The following SBF2 variants were observed in gnomAD, a reference collection of about 807,000 sequenced individuals.
The protein encoded by SBF2 is myotubularin-related protein 13.
A neutral mutation model predicts 225.2 loss-of-function variants in SBF2; 112 were observed. The ratio of observed to expected loss-of-function variants is 0.50; its 90% CI spans 0.43 to 0.58. The LOEUF is 0.58. Among genes scored for constraint, SBF2 ranks in the 20% least tolerant of loss-of-function variants. The pLI is 0.00. For synonymous variants in SBF2, 763 were observed against 773.3 expected (o/e 0.99, Z 0.22); for missense variants, 1,996 against 2,206.2 (o/e 0.90, Z 1.91).
At chr11:10,029,737 TCTC>T (rs1324947132) in intron 5 of SBF2, 25 bp downstream of exon 5, 1 of 1,359,720 alleles carries the variant, frequency 7.4e-7, no homozygotes, top group African/African-American at 1.4e-5. Flanking sequence ...GAACAATCCT[TCTC>T]CACCTCTCTT....
chr11:9,918,293 T>C lies in SBF2; in HGVS notation c.1861-22282A>G, dbSNP rs566519671. Among the ~76,000 whole-genome samples, 588 of 152,040 alleles carry C rather than the reference T, an allele frequency of 3.9e-3. 3 individuals carry two copies. Among genetic ancestry groups the C allele is most frequent in the South Asian group, 5.2e-3 (25 of 4,820 alleles). The stretch of plus-strand genomic sequence containing the variant: ...TACAAATCAGATTGCTTCTCTGTTT[T>C]CCCCCCCATCCTCCTATTTTTAGCT... On this transcript the variant is annotated intron_variant, in intron 16 of 39. Coordinates refer to ENST00000256190, the MANE Select transcript of SBF2 (RefSeq NM_030962.4).
At chr11:9,794,879 T>C (rs1853020954) in intron 33 of SBF2, among the ~76,000 whole-genome samples, 1 of 152,036 alleles carries the variant, frequency 6.6e-6, no homozygotes, top group Non-Finnish European at 1.5e-5. Flanking sequence ...CCAGTGCTCT[T>C]TCCCTTATCA....
chr11:10,002,644 T>A lies in SBF2; in HGVS notation c.665A>T (p.Asn222Ile), dbSNP rs1948020269. 1 of 1,613,176 alleles carries A rather than the reference T, an allele frequency of 6.2e-7. No individual in the cohort carries two copies. The highest frequency in any genetic ancestry group is 1.7e-5 in the Admixed American group (1 of 60,000). The change falls in exon 7 of 40, where the codon AAT becomes ATT. Residue 222 changes from asparagine to isoleucine, a missense_variant. Transcript: ENST00000256190. ...LSLFCAVLTENKVLFHSASFQ... is the reference protein window; with the variant it reads ...LSLFCAVLTEIKVLFHSASFQ... ...ACTTGCAGAATGGAAGAGAACCTTA[T>A]TTTCTGTGAGGACTGCACAAAAGAG...
rs76172966 is a variant in SBF2, at chr11:10,065,811, G to A, written c.142-22830C>T. On this transcript the variant is annotated intron_variant, in intron 2 of 39. Coordinates refer to ENST00000256190, the MANE Select transcript of SBF2 (RefSeq NM_030962.4). ...AAAAATACAAAAACTAGCCAGGTGT[G>A]ACGGTGCATGTCTGTAATCCCAGCT... Among the ~76,000 whole-genome samples, 855 of 152,210 alleles carry A rather than the reference G, an allele frequency of 5.6e-3. 3 individuals carry two copies. Among genetic ancestry groups the A allele is most frequent in the Non-Finnish European group, 9.1e-3 (618 of 68,014 alleles).
intron 2 of SBF2, among the ~76,000 whole-genome samples, chr11:10,145,922 C>A (rs975620168): frequency 9.2e-5 from 14 of 152,146 alleles, no homozygotes; most frequent in African/African-American, 3.4e-4. Context: ...CATTCCCATA[C>A]ACCAACAACA....
chr11:9,963,298 T>C (rs7933482), intron 15 of SBF2, among the ~76,000 whole-genome samples: 77,770 of 151,656 alleles, frequency 0.51, 20,426 homozygotes, highest in Admixed American at 0.61. Context: ...AACCCCATCT[T>C]TACTAAAAAT....
chr11:10,298,751 C>A (rs962562440), upstream of SBF2, among the ~76,000 whole-genome samples: 1 of 152,180 alleles, frequency 6.6e-6, no homozygotes, highest in African/African-American at 2.4e-5. Flanking sequence ...CCTCTCAGCC[C>A]CACATTCATC....
chr11:10,196,866 A>ATATTTTTTTTTTTT, intron 1 of SBF2, among the ~76,000 whole-genome samples: 1 of 99,316 alleles, frequency 1.0e-5, no homozygotes, highest in African/African-American at 4.0e-5. Flanking sequence ...ATATATATAT[A>ATATTTTTTTTTTTT]TTTTTTTTTT....
intron 36 of SBF2, 99 bp from the exon 37 acceptor site, chr11:9,785,417 G>C: frequency 1.0e-6 from 1 of 976,656 alleles, no homozygotes; most frequent in Non-Finnish European, 1.6e-6. Flanking sequence ...GAAAAAACTG[G>C]ACTAATAAGC....
intron 1 of SBF2, among the ~76,000 whole-genome samples, chr11:10,219,820 C>T: frequency 6.6e-6 from 1 of 152,176 alleles, no homozygotes; most frequent in Non-Finnish European, 1.5e-5. Context: ...GAGACCACCT[C>T]AGCCTGGACT....
chr11:9,851,954 G>A (rs1856990636), intron 21 of SBF2, among the ~76,000 whole-genome samples: 1 of 152,120 alleles, frequency 6.6e-6, no homozygotes, highest in Non-Finnish European at 1.5e-5. Context: ...ATTATTTTTT[G>A]TAGAGATGGG....
At chr11:9,971,656 G>A (rs1207385165) in intron 13 of SBF2, among the ~76,000 whole-genome samples, 1 of 152,136 alleles carries the variant, frequency 6.6e-6, no homozygotes, top group Non-Finnish European at 1.5e-5. Flanking sequence ...TCCAGCCTGG[G>A]TGACAGAGTG....
At position 10,068,466 on chromosome 11, in the gene SBF2, T is replaced by C. The variant is rs559297803; in HGVS notation, c.142-25485A>G. On this transcript the variant is annotated intron_variant, in intron 2 of 39. Coordinates refer to ENST00000256190, the MANE Select transcript of SBF2 (RefSeq NM_030962.4). The stretch of plus-strand genomic sequence containing the variant: ...TTACCCATTCTCATTATTCAGACTC[T>C]AGCACTGTGTTTAAGACTTGGGATT... 4.6e-5 allele frequency among the ~76,000 whole-genome samples: 7 copies of C among 152,318 alleles called. No individual in the cohort carries two copies. In the South Asian group the frequency reaches 1.2e-3, roughly 27 times the overall value.
At chr11:9,946,397 T>A (rs1045647894) in intron 16 of SBF2, among the ~76,000 whole-genome samples, 6 of 151,774 alleles carry the variant, frequency 4.0e-5, no homozygotes, top group Non-Finnish European at 7.4e-5. Flanking sequence ...GGGAAAAAAA[T>A]GCCAAATCTA....
intron 1 of SBF2, among the ~76,000 whole-genome samples, chr11:10,205,191 A>G (rs185313358): frequency 6.6e-6 from 1 of 152,042 alleles, no homozygotes; most frequent in East Asian, 1.9e-4. Flanking sequence ...TTTAAAATAA[A>G]TAAACAAATA....
At chr11:9,990,725 T>A (rs1947394125) in intron 12 of SBF2, among the ~76,000 whole-genome samples, 1 of 152,150 alleles carries the variant, frequency 6.6e-6, no homozygotes, top group Non-Finnish European at 1.5e-5. Context: ...TTGTTTCCAA[T>A]CTAGACTATA....
intron 13 of SBF2, among the ~76,000 whole-genome samples, chr11:9,984,595 T>C (rs549931728): frequency 1.0e-3 from 156 of 152,300 alleles, no homozygotes; most frequent in African/African-American, 3.2e-3. Context: ...TGGAAATTCA[T>C]TGCAAAAAGA....
chr11:10,262,257 T>C (rs192694712), intron 1 of SBF2, among the ~76,000 whole-genome samples: 1 of 152,284 alleles, frequency 6.6e-6, no homozygotes, highest in Admixed American at 6.5e-5. Flanking sequence ...TAATATATGA[T>C]AAAACAGGTA....
rs1565446062 is a variant in SBF2, at chr11:10,294,114, T to TCGC, written c.-48_-46dup. On this transcript the variant is annotated 5_prime_UTR_variant, in exon 1 of 40. Transcript: ENST00000256190. ...GGGAAGCGGGTCCCCGTCGCCGCCCTCGCCGCCGCCGCCCACCCGGCCCGG... is the reference window on the plus strand; with the variant it reads ...GGGAAGCGGGTCCCCGTCGCCGCCCTCGCCGCCGCCGCCGCCCACCCGGCCCGG... 7 of 1,300,356 alleles carry TCGC rather than the reference T, an allele frequency of 5.4e-6. No homozygotes were observed. The South Asian group carries it at 9.1e-5, about 17-fold the overall frequency. 80.6% of individuals were successfully genotyped at this position (1,300,356 alleles called of 1,614,324 possible).
Sources: allele counts gnomAD v4.1 joint callset (sites outside exome capture counted in the v4.1 genomes callset), GRCh38; gene constraint gnomAD v4.1.1; transcripts MANE v1.5; gene names NCBI Gene and HGNC (gene_info 2026-07-23, HGNC 2026-07-21).